The following PCDHGA8 variants were observed in gnomAD, a reference collection of about 807,000 sequenced individuals.
PCDHGA8 encodes protocadherin gamma subfamily A, 8.
Under a neutral mutation model 59.2 loss-of-function variants are expected in PCDHGA8, and 45 were observed. The observed-to-expected ratio is 0.76, with a 90% CI of 0.60 to 0.98. The LOEUF is 0.98. Among genes scored for constraint, PCDHGA8 ranks in the 50% least tolerant of loss-of-function variants. The pLI, the probability that PCDHGA8 is intolerant of heterozygous loss-of-function variation, is 0.00. For missense variants in PCDHGA8, 1,257 were observed against 1,196.2 expected, an observed-to-expected ratio of 1.05 and a Z score of -0.75; for synonymous variants, 531 against 519.0, an observed-to-expected ratio of 1.02 and a Z score of -0.32.
chr5:141,423,238 G>C (rs765040062), intron 1 of PCDHGA8: 4 of 1,613,778 alleles, frequency 2.5e-6, no homozygotes, highest in South Asian at 2.2e-5. Context: ...CAGCATCCCC[G>C]AAGTCCTGGC....
intron 1 of PCDHGA8, chr5:141,421,032 C>A: frequency 1.9e-6 from 1 of 533,288 alleles, no homozygotes; most frequent in Non-Finnish European, 3.3e-6. Flanking sequence ...GCCATTGAGT[C>A]CCTCCCTCCC....
At chr5:141,410,364 C>A in intron 1 of PCDHGA8, 1 of 1,614,064 alleles carries the variant, frequency 6.2e-7, no homozygotes, top group Non-Finnish European at 8.5e-7. Flanking sequence ...TCTCTCAGCC[C>A]TGCTACTTGG....
rs527514615 is a variant in PCDHGA8 at position 141,485,941 on chromosome 5, A to G, written c.2425-8866A>G. ...GGATTAGTGTGTTGGAGAGCGCACC[A>G]GCGGGCATGGTGCTCATCCAGCTCA... is the stretch of plus-strand genomic sequence containing the variant. On this transcript the variant is annotated intron_variant, in intron 1 of 3. Coordinates refer to ENST00000398604, the MANE Select transcript of PCDHGA8 (RefSeq NM_032088.2). This position sits in a 1 kb window ranked among gnomAD's most constrained non-coding sequence, Gnocchi z 5.7. The G allele has an allele frequency of 2.5e-6, 4 of 1,614,180 alleles. No homozygotes were observed. The highest frequency in any genetic ancestry group is 2.7e-5 in the African/African-American group (2 of 75,032).
chr5:141,491,493 G>A lies in PCDHGA8; in HGVS notation c.2425-3314G>A, dbSNP rs1008591563. On this transcript the variant is annotated intron_variant, in intron 1 of 3. Transcript: ENST00000398604. This position sits in a 1 kb window ranked among gnomAD's most constrained non-coding sequence, Gnocchi z 6.9. ...AGCAGTCCAGCCCCAACCTGCAGGT[G>A]AGCTCGGACGGCACGCTCAAGTACA... 6.2e-7 allele frequency: 1 copy of A among 1,614,000 alleles called. No homozygotes were observed. Among genetic ancestry groups the A allele is most frequent in the African/African-American group, 1.3e-5 (1 of 74,928 alleles).
At chr5:141,398,174 T>C (rs763077513) in intron 1 of PCDHGA8, 16 of 1,476,290 alleles carry the variant, frequency 1.1e-5, no homozygotes, top group African/African-American at 1.4e-5. Flanking sequence ...AGGCTGCCAG[T>C]GCTCTTTCTC....
chr5:141,472,852 G>A (rs1354948628), intron 1 of PCDHGA8, among the ~76,000 whole-genome samples: 1 of 151,160 alleles, frequency 6.6e-6, no homozygotes, highest in African/African-American at 2.4e-5. Flanking sequence ...TGGGCATGGT[G>A]GCACATGCCT....
At chr5:141,405,022 C>T in intron 1 of PCDHGA8, 6 of 1,613,976 alleles carry the variant, frequency 3.7e-6, no homozygotes, top group Non-Finnish European at 5.1e-6. Context: ...CAGACCTTAC[C>T]CTCTACCTCG....
chr5:141,474,405 G>C (rs2099348833), intron 1 of PCDHGA8, among the ~76,000 whole-genome samples: 1 of 152,196 alleles, frequency 6.6e-6, no homozygotes, highest in Admixed American at 6.5e-5. Context: ...AAGCTCCCCG[G>C]TGATGCCTAG....
intron 1 of PCDHGA8, among the ~76,000 whole-genome samples, chr5:141,397,685 G>A (rs1471845356): frequency 6.6e-6 from 1 of 152,218 alleles, no homozygotes; most frequent in Non-Finnish European, 1.5e-5. Flanking sequence ...ATGCAGGTTT[G>A]TATAAAAACC....
chr5:141,403,627 A>G lies in PCDHGA8; in HGVS notation c.2424+8390A>G, dbSNP rs1187522360. ...GCGGCGAGCCGCGTCGCTCCAGCAC[A>G]GTGCGCATCCATGTGACAGTGTTGG... On this transcript the variant is annotated intron_variant, in intron 1 of 3. Coordinates refer to ENST00000398604, the MANE Select transcript of PCDHGA8 (RefSeq NM_032088.2). 4 of 1,613,922 alleles carry G rather than the reference A, an allele frequency of 2.5e-6. No individual in the cohort carries two copies. The East Asian group carries it at 8.9e-5, about 36-fold the overall frequency.
intron 1 of PCDHGA8, chr5:141,427,456 G>C (rs1172525843): frequency 2.0e-6 from 1 of 492,524 alleles, no homozygotes; most frequent in African/African-American, 1.9e-5. Flanking sequence ...GTTCCTTTTA[G>C]AATCGAATCT....
rs1355278714 is a variant in PCDHGA8 at position 141,398,651 on chromosome 5, A to G, written c.2424+3414A>G. 10 of 1,613,998 alleles carry G rather than the reference A, an allele frequency of 6.2e-6. No homozygotes were observed. The South Asian group carries it at 1.1e-4, about 18-fold the overall frequency. On this transcript the variant is annotated intron_variant, in intron 1 of 3. Coordinates refer to ENST00000398604, the MANE Select transcript of PCDHGA8 (RefSeq NM_032088.2). ...CTGCAGAAGTATAAACTCTCTCTTA[A>G]CCCAAGTTTCTCATTAATAATTAAG... is the stretch of plus-strand genomic sequence containing the variant.
rs766795269 is a variant in PCDHGA8, at chr5:141,394,804, T to C, written c.1991T>C (p.Val664Ala). ...LSATVTLTVA[V>A]ADSIPEVLTE... Reference sequence around the variant, plus strand: ...GCCACTGTCACGCTCACCGTAGCCGTGGCTGACAGCATCCCCGAAGTCCTG... The same window carrying C: ...GCCACTGTCACGCTCACCGTAGCCGCGGCTGACAGCATCCCCGAAGTCCTG... The change falls in exon 1 of 4, where the codon GTG (valine) becomes GCG (alanine). Residue 664 changes from valine (V) to alanine (A), a missense_variant. Coordinates refer to ENST00000398604, the MANE Select transcript of PCDHGA8 (RefSeq NM_032088.2). 8 of 1,613,850 alleles carry C rather than the reference T, an allele frequency of 5.0e-6. No individual in the cohort carries two copies. In the South Asian group the frequency reaches 6.6e-5, roughly 13 times the overall value.
intron 1 of PCDHGA8, chr5:141,422,221 A>T (rs1267909650): frequency 1.3e-6 from 2 of 1,565,034 alleles, no homozygotes; most frequent in Admixed American, 4.0e-5. Context: ...CTTTACCACC[A>T]CGACGATGTT....
rs1460626002 is a variant in PCDHGA8, at chr5:141,486,935, C to A, written c.2425-7872C>A. ...ACTGCCTCCATCAGTTGGTGCTGGC[C>A]ACCTAATCACAAAGGTGACTGCTGT... On this transcript the variant is annotated intron_variant, in intron 1 of 3. Transcript: ENST00000398604. This position sits in a 1 kb window ranked among gnomAD's most constrained non-coding sequence, Gnocchi z 5.0. 5 of 1,614,228 alleles carry A rather than the reference C, an allele frequency of 3.1e-6. No individual in the cohort carries two copies. The highest frequency in any genetic ancestry group is 4.2e-6 in the Non-Finnish European group (5 of 1,180,038).
intron 1 of PCDHGA8, chr5:141,404,757 C>T (rs759444247): frequency 3.1e-6 from 5 of 1,613,918 alleles, no homozygotes; most frequent in Non-Finnish European, 4.2e-6. Flanking sequence ...GGCCAGAATG[C>T]TTGGCTCTCC....
chr5:141,460,959 A>G (rs892536901), intron 1 of PCDHGA8, among the ~76,000 whole-genome samples: 2 of 126,082 alleles, frequency 1.6e-5, no homozygotes, highest in African/African-American at 7.1e-5. Context: ...ATGTATATAT[A>G]TATGTGTGTG....
chr5:141,423,085 G>A, intron 1 of PCDHGA8: 1 of 1,614,072 alleles, frequency 6.2e-7, no homozygotes, highest in Non-Finnish European at 8.5e-7. Flanking sequence ...ACTCTTCGCG[G>A]TGGGGGAGCA....
At chr5:141,404,110 C>G (rs1283800962) in intron 1 of PCDHGA8, 1 of 1,613,336 alleles carries the variant, frequency 6.2e-7, no homozygotes, top group South Asian at 1.1e-5. Context: ...TCTGTTCTAT[C>G]CAGGAGAATC....
Sources: gnomAD v4.1 joint callset for allele counts (sites outside exome capture counted in the v4.1 genomes callset) on GRCh38, gnomAD v4.1.1 for gene constraint, Gnocchi (gnomAD v3.1) non-coding constraint, MANE v1.5 for transcripts, NCBI Gene and HGNC (gene_info 2026-07-23, HGNC 2026-07-21) for gene names.